RDH13: variants seen among roughly 807,000 people sequenced by gnomAD.
RDH13 encodes retinol dehydrogenase 13 (all-trans and 9-cis).
RDH13 carries 35 observed loss-of-function variants against 28.3 expected under a neutral mutation model. That is an observed-to-expected ratio of 1.24 (90% CI 0.95 to 1.64). The LOEUF (loss-of-function observed/expected upper bound fraction) is 1.64, where lower values mean the gene tolerates loss of function less well. RDH13 is among the 40% of genes most tolerant of loss of function. The probability of loss-of-function intolerance (pLI) is 0.00; values close to 1 mark genes in which losing one functional copy is unlikely to be tolerated. For synonymous variants in RDH13, 229 were observed against 198.5 expected (o/e 1.15, Z -1.29); for missense variants, 514 against 446.3 (o/e 1.15, Z -1.37).
intron 6 of RDH13, chr19:55,047,141 G>C: frequency 7.1e-7 from 1 of 1,400,904 alleles, no homozygotes; most frequent in Non-Finnish European, 9.3e-7. Context: ...CAGCTCCACG[G>C]CCTCTTCCTC....
chr19:55,047,955 C>T, intron 5 of RDH13: 1 of 962,906 alleles, frequency 1.0e-6, no homozygotes, highest in Non-Finnish European at 1.4e-6. Flanking sequence ...CCTCCAGATG[C>T]CCAGAGCAAT....
At chr19:55,045,970 G>T (rs1290415480) in intron 6 of RDH13, among the ~76,000 whole-genome samples, 1 of 134,192 alleles carries the variant, frequency 7.5e-6, no homozygotes, top group South Asian at 2.4e-4. Flanking sequence ...AAAAAGGGCT[G>T]GGCGTGGTGA....
chr19:55,041,912 G>C (rs544857969), downstream of RDH13: 1 of 152,198 alleles, frequency 6.6e-6, no homozygotes, highest in South Asian at 2.1e-4. Context: ...CCAGAAAGAC[G>C]CTGCCGGCTT....
chr19:55,046,301 C>T (rs754257809), intron 6 of RDH13, among the ~76,000 whole-genome samples: 6 of 150,380 alleles, frequency 4.0e-5, no homozygotes, highest in Middle Eastern at 3.5e-3. Context: ...CTTGCTCTGT[C>T]ACCCAGGCTG....
chr19:55,069,001 A>G, intron 1 of RDH13, among the ~76,000 whole-genome samples: 1 of 121,058 alleles, frequency 8.3e-6, no homozygotes, highest in Non-Finnish European at 1.7e-5. Context: ...ATGTTCAGGG[A>G]GCTGAGAGTG....
At chr19:55,058,280 C>T (rs1035653717) in intron 2 of RDH13, among the ~76,000 whole-genome samples, 3 of 151,444 alleles carry the variant, frequency 2.0e-5, no homozygotes, top group Admixed American at 6.6e-5. Flanking sequence ...CCCAGCTACT[C>T]GGGTGGCTGA....
At chr19:55,055,725 T>C (rs545864339) in intron 3 of RDH13, among the ~76,000 whole-genome samples, 1 of 151,528 alleles carries the variant, frequency 6.6e-6, no homozygotes, top group Non-Finnish European at 1.5e-5. Flanking sequence ...TGGTGGCGTA[T>C]GCCTGTACTC....
chr19:55,063,311 G>T (rs1317010509), upstream of RDH13: 1 of 380,156 alleles, frequency 2.6e-6, no homozygotes, highest in Non-Finnish European at 4.7e-6. Context: ...TCCGGGGGCG[G>T]GGCCTATGGT....
upstream of RDH13, chr19:55,063,319 G>T: frequency 2.7e-6 from 1 of 374,350 alleles, no homozygotes; most frequent in Non-Finnish European, 4.8e-6. Context: ...CGGGGCCTAT[G>T]GTTTGTTCGA....
Position 55,045,838 on chromosome 19 carries a change from C to T in RDH13, c.761-529G>A, listed in dbSNP as rs894410737. On this transcript the variant is annotated intron_variant, in intron 6 of 6. Coordinates refer to ENST00000415061, the MANE Select transcript of RDH13 (RefSeq NM_001145971.2). ...GCGGGTGCCTGTAATCCCAGCTGCT[C>T]GGGAGGCTGGGGCAGGAGAATCCCT... Among the ~76,000 whole-genome samples, 22 of 149,282 alleles carry T rather than the reference C, an allele frequency of 1.5e-4. No homozygotes were observed. In the East Asian group the frequency reaches 2.8e-3, roughly 19 times the overall value.
intron 3 of RDH13, chr19:55,050,785 G>A (rs2075402011): frequency 6.6e-6 from 1 of 152,082 alleles, no homozygotes; most frequent in Non-Finnish European, 1.5e-5. Context: ...AATTCATAAT[G>A]CTCCCGAAGT....
At chr19:55,065,839 T>C (rs1311041738), upstream of RDH13, among the ~76,000 whole-genome samples, 2 of 152,204 alleles carry the variant, frequency 1.3e-5, no homozygotes, top group Non-Finnish European at 2.9e-5. Context: ...TGCCTCAGCC[T>C]CATGAGTAGC....
intron 5 of RDH13, among the ~76,000 whole-genome samples, chr19:55,047,746 G>A (rs1466961926): frequency 1.3e-5 from 2 of 152,190 alleles, no homozygotes; most frequent in Non-Finnish European, 2.9e-5. Context: ...AGCCTGCATC[G>A]GTGCGTGGCG....
intron 3 of RDH13, among the ~76,000 whole-genome samples, chr19:55,051,803 G>A (rs1373764442): frequency 6.6e-6 from 1 of 151,570 alleles, no homozygotes; most frequent in Non-Finnish European, 1.5e-5. Flanking sequence ...CGCGATCTCA[G>A]CTCACAGCAA....
intron 3 of RDH13, among the ~76,000 whole-genome samples, chr19:55,049,138 T>TTCGGGTG (rs1375143832): frequency 6.6e-6 from 1 of 152,108 alleles, no homozygotes; most frequent in African/African-American, 2.4e-5. Flanking sequence ...GACTGCCGGC[T>TTCGGGTG]TCCGGAACCG....
intron 3 of RDH13, chr19:55,050,738 GATCCCA>G (rs890650190): frequency 7.2e-5 from 11 of 152,150 alleles, no homozygotes; most frequent in African/African-American, 2.7e-4. Context: ...GGGGGTTCAG[GATCCCA>G]ACCTATCCTT....
intron 3 of RDH13, among the ~76,000 whole-genome samples, chr19:55,051,716 C>G (rs2075442689): frequency 6.6e-6 from 1 of 151,450 alleles, no homozygotes; most frequent in Non-Finnish European, 1.5e-5. Context: ...GTGTGAGCCA[C>G]CGCGCCCAGC....
chr19:55,065,744 G>C (rs959337135), upstream of RDH13, among the ~76,000 whole-genome samples: 1 of 151,712 alleles, frequency 6.6e-6, no homozygotes, highest in African/African-American at 2.4e-5. Context: ...CTGTTTGAGA[G>C]TCTCTCTCCG....
intron 1 of RDH13, among the ~76,000 whole-genome samples, chr19:55,060,285 C>T (rs528799877): frequency 5.9e-5 from 9 of 151,738 alleles, no homozygotes; most frequent in South Asian, 2.1e-4. Flanking sequence ...CGCCCTATGG[C>T]GGGAGGCGAG....
Sources: gnomAD v4.1 joint callset for allele counts (sites outside exome capture counted in the v4.1 genomes callset) on GRCh38, gnomAD v4.1.1 for gene constraint, MANE v1.5 for transcripts, NCBI Gene and HGNC (gene_info 2026-07-23, HGNC 2026-07-21) for gene names.